Variants in NR2F1-AS1 observed in about 807,000 individuals in gnomAD.
NR2F1-AS1 encodes NR2F1 regulatory antisense RNA 1.
chr5:93,442,687 G>A (rs1749599393), intron 4 of NR2F1-AS1, among the ~76,000 whole-genome samples: 2 of 152,232 alleles, frequency 1.3e-5, no homozygotes, highest in Non-Finnish European at 2.9e-5. Flanking sequence ...GATTTGAAGA[G>A]AGCAGTGCTT....
At chr5:93,458,203 T>C (rs1749995717) in intron 4 of NR2F1-AS1, among the ~76,000 whole-genome samples, 1 of 152,224 alleles carries the variant, frequency 6.6e-6, no homozygotes, top group South Asian at 2.1e-4. Context: ...GGACCCGCGC[T>C]GGCCACATTT....
intron 2 of NR2F1-AS1, among the ~76,000 whole-genome samples, chr5:93,559,452 T>C (rs887804819): frequency 2.0e-5 from 3 of 152,234 alleles, no homozygotes; most frequent in African/African-American, 7.2e-5. Context: ...TTGTTTGTGT[T>C]TTCCTTGGAA....
intron 4 of NR2F1-AS1, among the ~76,000 whole-genome samples, chr5:93,451,961 T>G (rs894887641): frequency 6.6e-6 from 1 of 152,206 alleles, no homozygotes; most frequent in African/African-American, 2.4e-5. Context: ...CATTCTACTG[T>G]GCTATAAAGT....
chr5:93,556,814 A>G (rs1312918667), intron 2 of NR2F1-AS1, among the ~76,000 whole-genome samples: 10 of 152,188 alleles, frequency 6.6e-5, no homozygotes, highest in Admixed American at 6.5e-4. Flanking sequence ...TCAGACTTCT[A>G]TCCTCCAGAA....
At chr5:93,570,747 T>C (rs370867312) in intron 1 of NR2F1-AS1, 1 of 152,218 alleles carries the variant, frequency 6.6e-6, no homozygotes, top group African/African-American at 2.4e-5. Flanking sequence ...AGTGCGCAGA[T>C]ACCGCGGCCC....
At chr5:93,545,723 T>G (rs1157394717) in intron 4 of NR2F1-AS1, among the ~76,000 whole-genome samples, 1 of 152,262 alleles carries the variant, frequency 6.6e-6, no homozygotes, top group African/African-American at 2.4e-5. Context: ...TAGCACCTAC[T>G]TAACCTACTC....
intron 4 of NR2F1-AS1, among the ~76,000 whole-genome samples, chr5:93,529,760 GA>G (rs546767486): frequency 4.0e-4 from 61 of 151,380 alleles, no homozygotes; most frequent in African/African-American, 1.4e-3. Context: ...CTAGGTTGCA[GA>G]AAAAAAAGGA....
At chr5:93,556,084 T>C (rs1315676947) in intron 2 of NR2F1-AS1, among the ~76,000 whole-genome samples, 1 of 152,174 alleles carries the variant, frequency 6.6e-6, no homozygotes, top group Admixed American at 6.5e-5. Context: ...CCCTAAAGTA[T>C]TTATTCCTAC....
chr5:93,420,237 C>T (rs1243308419), intron 4 of NR2F1-AS1, among the ~76,000 whole-genome samples: 1 of 152,116 alleles, frequency 6.6e-6, no homozygotes, highest in Non-Finnish European at 1.5e-5. Flanking sequence ...CAGGCCAGGA[C>T]AGCAAAAGCT....
At chr5:93,495,059 A>C (rs967384719) in intron 4 of NR2F1-AS1, among the ~76,000 whole-genome samples, 7 of 152,200 alleles carry the variant, frequency 4.6e-5, no homozygotes, top group African/African-American at 1.7e-4. Flanking sequence ...ATGACAAAAA[A>C]AATCCAAGAT....
Position 93,528,318 on chromosome 5 carries a change from A to G in NR2F1-AS1, n.638+25443T>C, listed in dbSNP as rs561677044. Among the ~76,000 whole-genome samples, 9 of 152,082 alleles carry G rather than the reference A, an allele frequency of 5.9e-5. No homozygotes were observed. The South Asian group carries it at 1.9e-3, about 32-fold the overall frequency. On this transcript the variant is annotated intron_variant and non_coding_transcript_variant, in intron 4 of 5. Coordinates refer to ENST00000660523, the Ensembl canonical transcript of NR2F1-AS1. ...CACTTTGACAGCACATGTACTAAAA[A>G]AAGAGAAATACAAATCAAAACCACA...
At chr5:93,443,978 T>A (rs1033026271) in intron 4 of NR2F1-AS1, among the ~76,000 whole-genome samples, 1 of 152,042 alleles carries the variant, frequency 6.6e-6, no homozygotes, top group East Asian at 1.9e-4. Flanking sequence ...AGAAATAAAA[T>A]CCTTTACAGA....
chr5:93,489,645 T>C (rs1363175508), intron 4 of NR2F1-AS1, among the ~76,000 whole-genome samples: 1 of 152,126 alleles, frequency 6.6e-6, no homozygotes, highest in African/African-American at 2.4e-5. Flanking sequence ...TGAGACAGCC[T>C]AATTTAATAA....
chr5:93,484,305 T>C (rs1750669325), intron 4 of NR2F1-AS1, among the ~76,000 whole-genome samples: 1 of 152,168 alleles, frequency 6.6e-6, no homozygotes, highest in South Asian at 2.1e-4. Context: ...TTCAACATTC[T>C]TAAAGAAAAG....
At chr5:93,559,429 C>T (rs1370230239) in intron 2 of NR2F1-AS1, among the ~76,000 whole-genome samples, 4 of 152,158 alleles carry the variant, frequency 2.6e-5, no homozygotes, top group Non-Finnish European at 5.9e-5. Context: ...TACAATAAGA[C>T]TGTTTTGCTT....
chr5:93,502,465 G>C (rs549887135), intron 4 of NR2F1-AS1, among the ~76,000 whole-genome samples: 3 of 152,118 alleles, frequency 2.0e-5, no homozygotes, highest in African/African-American at 7.2e-5. Context: ...AACATATAAC[G>C]TAGAAACTGA....
intron 4 of NR2F1-AS1, among the ~76,000 whole-genome samples, chr5:93,445,787 T>C (rs1437486032): frequency 1.3e-5 from 2 of 152,116 alleles, no homozygotes; most frequent in African/African-American, 4.8e-5. Context: ...TGAACATCAA[T>C]GCAAAAATCC....
intron 4 of NR2F1-AS1, among the ~76,000 whole-genome samples, chr5:93,509,176 T>C (rs1457345869): frequency 3.3e-5 from 5 of 152,242 alleles, no homozygotes; most frequent in Non-Finnish European, 7.4e-5. Context: ...TGTATCACTG[T>C]AGGTAAATCT....
chr5:93,454,941 T>C (rs968859137), intron 4 of NR2F1-AS1, among the ~76,000 whole-genome samples: 21 of 152,182 alleles, frequency 1.4e-4, no homozygotes, highest in African/African-American at 5.1e-4. Context: ...CTATATCCTT[T>C]GTAATATCCT....
Sources: gnomAD v4.1 joint callset for allele counts (sites outside exome capture counted in the v4.1 genomes callset) on GRCh38, gnomAD v4.1.1 for gene constraint, MANE v1.5 for transcripts, NCBI Gene and HGNC (gene_info 2026-07-23, HGNC 2026-07-21) for gene names.